Variants in SALL3 observed in about 807,000 individuals in gnomAD.
SALL3 encodes spalt like transcription factor 3.
A neutral mutation model predicts 66.2 loss-of-function variants in SALL3; 25 were observed. That is an observed-to-expected ratio of 0.38 (90% CI 0.28 to 0.53). The LOEUF (loss-of-function observed/expected upper bound fraction) is 0.53, where lower values mean the gene tolerates loss of function less well. Ranked by LOEUF, SALL3 falls within the 20% of genes least tolerant of loss-of-function variation. The pLI is 0.85. For synonymous variants in SALL3, 1,152 were observed against 899.1 expected (o/e 1.28, Z -5.03); for missense variants, 2,194 against 1,916.5 (o/e 1.14, Z -2.70).
In SALL3 at chr18:78,994,243, C is replaced by T; in HGVS notation, c.2252C>T (p.Ala751Val). The change falls in exon 2 of 3, where the codon GCC becomes GTC. Residue 751 changes from alanine to valine, a missense_variant. By Grantham distance (64) the Ala-to-Val change is moderately conservative. Coordinates refer to ENST00000537592, the MANE Select transcript of SALL3 (RefSeq NM_171999.4). Reference protein sequence around the residue: ...CPICQKKFTNAVVLQQHIRMH... With the variant: ...CPICQKKFTNVVVLQQHIRMH... ...ATCTGCCAGAAGAAGTTCACCAACG[C>T]CGTGGTCCTGCAGCAGCACATCCGC... The T allele has an allele frequency of 6.2e-7, 1 of 1,613,734 alleles. No individual in the cohort carries two copies. The highest frequency in any genetic ancestry group is 8.5e-7 in the Non-Finnish European group (1 of 1,179,996).
In SALL3 at chr18:78,994,750, CG is replaced by C; in HGVS notation, c.2762del (p.Gly921AlafsTer47). On this transcript the variant is annotated frameshift_variant, in exon 2 of 3. Transcript: ENST00000537592. LOFTEE classifies it high-confidence loss of function. ...SNGESFRSKS[P>X]GLGAPEEPQE... is the part of the protein sequence containing the mutation. ...GGTGAGAGCTTCCGCTCCAAGTCCC[CG>C]GGCCTGGGCGCCCCGGAGGAGCCCC... 6.2e-7 allele frequency: 1 copy of C among 1,601,550 alleles called. No homozygotes were observed.
At chr18:78,988,782 T>C (rs572978983) in intron 1 of SALL3, among the ~76,000 whole-genome samples, 1 of 152,366 alleles carries the variant, frequency 6.6e-6, no homozygotes, top group African/African-American at 2.4e-5. Flanking sequence ...ATCACATTGA[T>C]ATTTTATACA....
chr18:78,995,566 C>T lies in SALL3; in HGVS notation c.3471+104C>T. ...CAGCGGCCGAGGTCCTGCTCCTATC[C>T]TGGCCAGGGGGGTGAGATGCCACGC... On this transcript the variant is annotated intron_variant, in intron 2 of 2. Transcript: ENST00000537592. 2.8e-6 allele frequency: 4 copies of T among 1,446,626 alleles called. No individual in the cohort carries two copies. The South Asian group carries it at 5.8e-5, about 21-fold the overall frequency. 89.6% of individuals were successfully genotyped at this position (1,446,626 alleles called of 1,614,324 possible). A position where few individuals can be genotyped will look rare whatever the true frequency, so the allele number is the denominator to read the frequency against.
chr18:78,981,860 A>T (rs1170646077), intron 1 of SALL3, among the ~76,000 whole-genome samples: 1 of 152,150 alleles, frequency 6.6e-6, no homozygotes, highest in African/African-American at 2.4e-5. Flanking sequence ...AAATGAATGG[A>T]TTTATTTCTG....
At position 78,994,871 on chromosome 18, in the gene SALL3, G is replaced by T. The variant is rs2615613; in HGVS notation, c.2880G>T (p.Ala960=). 0.087 allele frequency: 139,135 copies of T among 1,606,814 alleles called. 6,499 individuals are homozygous for T. Among genetic ancestry groups the T allele is most frequent in the African/African-American group, 0.15 (11,553 of 74,870 alleles). Residue 960 remains alanine (A), a synonymous_variant, in exon 2 of 3, where the codon GCG becomes GCT. Transcript: ENST00000537592. Reference sequence around the variant, plus strand: ...GCCGCGCGGGCATCAAGGAGGAGGCGCCCTTCAGCCTGCTGTTCCTGAGCA... The same window carrying T: ...GCCGCGCGGGCATCAAGGAGGAGGCTCCCTTCAGCCTGCTGTTCCTGAGCA... ...APGRAGIKEE[A]PFSLLFLSRE...
chr18:78,989,213 G>A (rs1914345763), intron 1 of SALL3, among the ~76,000 whole-genome samples: 1 of 152,046 alleles, frequency 6.6e-6, no homozygotes, highest in Non-Finnish European at 1.5e-5. Context: ...ACTTACCAAT[G>A]GGAAAAGTGA....
rs1382237089 is a variant in SALL3 at position 78,993,617 on chromosome 18, C to G, written c.1626C>G (p.Asp542Glu). The change falls in exon 2 of 3, where the codon GAC (aspartate) becomes GAG (glutamate). Residue 542 changes from aspartate (D) to glutamate (E), a missense_variant. Coordinates refer to ENST00000537592, the MANE Select transcript of SALL3 (RefSeq NM_171999.4). ...TCCCTGGCGCGCACGGCTACGCCGA[C>G]TCTCCCAGCGCCACCCCAGCCAGCC... ...PTVPGAHGYA[D>E]SPSATPASRS... 1.3e-6 allele frequency: 2 copies of G among 1,585,354 alleles called. No homozygotes were observed. Among genetic ancestry groups the G allele is most frequent in the Non-Finnish European group, 1.7e-6 (2 of 1,173,392 alleles).
Position 78,994,556 on chromosome 18 carries a change from C to T in SALL3, c.2565C>T (p.Ser855=), listed in dbSNP as rs954076006. 1.2e-6 allele frequency: 2 copies of T among 1,608,320 alleles called. No individual in the cohort carries two copies. The highest frequency in any genetic ancestry group is 1.3e-5 in the African/African-American group (1 of 74,282). The change falls in exon 2 of 3, where the codon AGC becomes AGT. Residue 855 remains serine, a synonymous_variant. Transcript: ENST00000537592. ...TGAAGATGATCGACTCGGTCATGAG[C>T]TGCCAGCAGCTGACCGGCCTCAAGT... ...NQMKMIDSVM[S]CQQLTGLKSV...
chr18:78,995,274 G>A lies in SALL3; in HGVS notation c.3283G>A (p.Gly1095Ser). 1 of 1,590,348 alleles carries A rather than the reference G, an allele frequency of 6.3e-7. No homozygotes were observed. Among genetic ancestry groups the A allele is most frequent in the East Asian group, 2.2e-5 (1 of 44,550 alleles). ...QVPAGPQTVM[G>S]PGLAPMLAPP... ...CCCCGCCGGGCCTCAGACAGTGATG[G>A]GCCCGGGCCTGGCGCCCATGCTGGC... Residue 1095 changes from glycine to serine, a missense_variant, in exon 2 of 3, where the codon GGC (glycine) becomes AGC (serine). Gly to Ser is a moderately conservative substitution (Grantham distance 56). Transcript: ENST00000537592.
In SALL3 at chr18:78,980,168, C is replaced by CCGCCCCG. The variant is rs1034702580; in HGVS notation, c.-95_-89dup. The CCGCCCCG allele has an allele frequency of 2.0e-4, 47 of 233,894 alleles. No homozygotes were observed. Among genetic ancestry groups the CCGCCCCG allele is most frequent in the Non-Finnish European group, 1.6e-4 (24 of 146,328 alleles). 14.5% of individuals were successfully genotyped at this position (233,894 alleles called of 1,614,324 possible). On this transcript the variant is annotated 5_prime_UTR_variant, in exon 1 of 3. An upstream open reading frame in the 5' UTR loses its in-frame stop. Transcript: ENST00000537592. ...CCATGCGCGGCCCGCGCAGCCGCCG[C>CCGCCCCG]CGCCCCGCGCCCCGCGCCGCGCGCC...
chr18:78,992,213 C>G lies in SALL3; in HGVS notation c.222C>G (p.Thr74=), dbSNP rs1200062510. The change falls in exon 2 of 3, where the codon ACC becomes ACG. Residue 74 remains threonine (T), a synonymous_variant. Coordinates refer to ENST00000537592, the MANE Select transcript of SALL3 (RefSeq NM_171999.4). The part of the protein sequence containing the change: ...ADFLEHQRSC[T]KLPPVLIVHE... Reference sequence around the variant, plus strand: ...TCCTGGAGCACCAGCGGAGCTGCACCAAGCTCCCGCCCGTGCTGATCGTGC... The same window carrying G: ...TCCTGGAGCACCAGCGGAGCTGCACGAAGCTCCCGCCCGTGCTGATCGTGC... 1.9e-6 allele frequency: 3 copies of G among 1,609,340 alleles called. No homozygotes were observed. The highest frequency in any genetic ancestry group is 2.2e-5 in the East Asian group (1 of 44,638).
intron 1 of SALL3, chr18:78,991,693 C>T: frequency 4.6e-6 from 1 of 218,492 alleles, no homozygotes; most frequent in Non-Finnish European, 8.9e-6. Flanking sequence ...GTTAAGTGAA[C>T]TGGCAAAGGC....
chr18:78,989,714 T>G (rs577137352), intron 1 of SALL3, among the ~76,000 whole-genome samples: 2 of 152,354 alleles, frequency 1.3e-5, no homozygotes, highest in East Asian at 3.9e-4. Flanking sequence ...AAAAAATGTT[T>G]CAAGGAATTA....
At position 78,993,338 on chromosome 18, in the gene SALL3, G is replaced by A; in HGVS notation, c.1347G>A (p.Lys449=). Residue 449 remains lysine (K), a synonymous_variant, in exon 2 of 3, where the codon AAG becomes AAA. Coordinates refer to ENST00000537592, the MANE Select transcript of SALL3 (RefSeq NM_171999.4). ...LRSHTGERPF[K]CNICGNRFST... ...CGCACACAGGCGAGCGGCCCTTCAA[G>A]TGCAACATCTGCGGGAACCGCTTCT... The A allele has an allele frequency of 6.2e-7, 1 of 1,612,586 alleles. No individual in the cohort carries two copies. The highest frequency in any genetic ancestry group is 8.5e-7 in the Non-Finnish European group (1 of 1,179,922).
rs766672872 is a variant in SALL3, at chr18:78,997,116, A to G, written c.3697A>G (p.Ile1233Val). 9.9e-6 allele frequency: 16 copies of G among 1,614,082 alleles called. No individual in the cohort carries two copies. Among genetic ancestry groups the G allele is most frequent in the Middle Eastern group, 3.3e-4 (2 of 6,062 alleles). Residue 1233 changes from isoleucine to valine, a missense_variant, in exon 3 of 3, where the codon ATC becomes GTC. By Grantham distance (29) the Ile-to-Val change is conservative. Transcript: ENST00000537592. ...CATGAAGAACAACGAGATCTCCGTC[A>G]TCCAGAACGGCGGCATCCCCCAGCT... Reference protein sequence around the residue: ...LAMKNNEISVIQNGGIPQLPV... With the variant: ...LAMKNNEISVVQNGGIPQLPV...
rs1036877441 is a variant in SALL3 at position 78,997,385 on chromosome 18, G to A, written c.*63G>A. On this transcript the variant is annotated 3_prime_UTR_variant, in exon 3 of 3. Transcript: ENST00000537592. Reference sequence around the variant, plus strand: ...TTTGAAGTTGGAGCATCAGGCCTCCGACCTTTCTTGCCTCGGTTCTCATTA... The same window carrying A: ...TTTGAAGTTGGAGCATCAGGCCTCCAACCTTTCTTGCCTCGGTTCTCATTA... The A allele has an allele frequency of 1.9e-5, 28 of 1,495,922 alleles. No individual in the cohort carries two copies. The highest frequency in any genetic ancestry group is 1.2e-4 in the Admixed American group (7 of 56,594). 92.7% of individuals were successfully genotyped at this position (1,495,922 alleles called of 1,614,324 possible).
rs539396816 is a variant in SALL3, at chr18:78,980,979, GGGCCTGGC to G, written c.82+624_82+631del. Among the ~76,000 whole-genome samples, 8 of 152,348 alleles carry G rather than the reference GGGCCTGGC, an allele frequency of 5.3e-5. No homozygotes were observed. The South Asian group carries it at 1.4e-3, about 28-fold the overall frequency. ...GGGGTGAGCGCAGCGGCGGCGGCCT[GGGCCTGGC>G]CCCTGCTCGCGGCGTGTTTCCGGGG... On this transcript the variant is annotated intron_variant, in intron 1 of 2. Coordinates refer to ENST00000537592, the MANE Select transcript of SALL3 (RefSeq NM_171999.4).
chr18:78,996,265 C>G (rs1914689275), intron 2 of SALL3, among the ~76,000 whole-genome samples: 2 of 152,196 alleles, frequency 1.3e-5, no homozygotes, highest in African/African-American at 4.8e-5. Flanking sequence ...GCTGTGTTGA[C>G]TGATGGCTGC....
Position 78,995,033 on chromosome 18 carries a change from C to T in SALL3, c.3042C>T (p.Cys1014=). The T allele has an allele frequency of 6.2e-7, 1 of 1,613,838 alleles. No homozygotes were observed. The highest frequency in any genetic ancestry group is 8.5e-7 in the Non-Finnish European group (1 of 1,180,036). Residue 1014 remains cysteine (C), a synonymous_variant, in exon 2 of 3, where the codon TGC becomes TGT. Transcript: ENST00000537592. The stretch of plus-strand genomic sequence containing the variant: ...TCTGCGCGCTCTGCAGGCGAGGGTG[C>T]TCCACTATGGGTAATTTAAAACAGC... The part of the protein sequence containing the change: ...PFVCALCRRG[C]STMGNLKQHL...
Sources: allele counts gnomAD v4.1 joint callset (sites outside exome capture counted in the v4.1 genomes callset), GRCh38; gene constraint gnomAD v4.1.1; transcripts MANE v1.5; gene names NCBI Gene and HGNC (gene_info 2026-07-23, HGNC 2026-07-21).